Variants in SPTLC3 observed in about 807,000 individuals in gnomAD.
The protein encoded by SPTLC3 is serine palmitoyltransferase 3.
A neutral mutation model predicts 59.3 loss-of-function variants in SPTLC3; 36 were observed. That is an observed-to-expected ratio of 0.61 (90% CI 0.47 to 0.80). The LOEUF is 0.80. SPTLC3 is among the 30% of genes least tolerant of loss of function. SPTLC3 has a pLI of 0.00. For missense variants in SPTLC3, 625 were observed against 685.1 expected (o/e 0.91, Z 0.98); for synonymous variants, 257 against 240.8 (o/e 1.07, Z -0.62).
intron 6 of SPTLC3, among the ~76,000 whole-genome samples, chr20:13,102,391 T>G (rs1244154628): frequency 6.6e-6 from 1 of 152,202 alleles, no homozygotes; most frequent in East Asian, 1.9e-4. Flanking sequence ...ATCTCCTTTT[T>G]GACAGATGAA....
intron 7 of SPTLC3, among the ~76,000 whole-genome samples, chr20:13,116,994 C>T (rs1303703190): frequency 5.9e-5 from 9 of 152,146 alleles, no homozygotes. Context: ...TCAAAGACTT[C>T]CTATTTTACT....
chr20:13,061,972 C>T (rs1987994844), intron 2 of SPTLC3, among the ~76,000 whole-genome samples: 2 of 152,170 alleles, frequency 1.3e-5, no homozygotes, highest in South Asian at 4.1e-4. Flanking sequence ...TCTCTTATGT[C>T]TCTAACTTCA....
intron 8 of SPTLC3, among the ~76,000 whole-genome samples, chr20:13,125,976 T>C (rs2037979695): frequency 2.6e-5 from 4 of 152,228 alleles, no homozygotes; most frequent in Admixed American, 1.3e-4. Flanking sequence ...GCTTTCTTGC[T>C]TCTGTTCCTT....
intron 9 of SPTLC3, among the ~76,000 whole-genome samples, chr20:13,127,441 T>C (rs1187313369): frequency 6.6e-6 from 1 of 152,222 alleles, no homozygotes; most frequent in African/African-American, 2.4e-5. Flanking sequence ...GCCACTGGAC[T>C]GTACAATCTA....
At chr20:13,036,374 A>C (rs995368611) in intron 1 of SPTLC3, among the ~76,000 whole-genome samples, 5 of 151,724 alleles carry the variant, frequency 3.3e-5, no homozygotes, top group Non-Finnish European at 5.9e-5. Context: ...CCTCCTCCTC[A>C]GCCTACTTAG....
At chr20:13,155,991 G>A (rs1481084202) in intron 10 of SPTLC3, among the ~76,000 whole-genome samples, 2 of 152,134 alleles carry the variant, frequency 1.3e-5, no homozygotes, top group Non-Finnish European at 2.9e-5. Context: ...GTTAAGGAGG[G>A]TTGACAACAG....
chr20:13,146,413 C>A (rs910985375), intron 9 of SPTLC3, among the ~76,000 whole-genome samples: 1 of 152,034 alleles, frequency 6.6e-6, no homozygotes, highest in Non-Finnish European at 1.5e-5. Context: ...CACATGTACC[C>A]CGAAACCTAA....
intron 1 of SPTLC3, among the ~76,000 whole-genome samples, chr20:13,047,851 G>A (rs1047083984): frequency 2.0e-5 from 3 of 152,034 alleles, no homozygotes; most frequent in East Asian, 3.8e-4. Flanking sequence ...AAGAGTTAAC[G>A]TTTCTCAAAG....
At chr20:13,157,717 G>T (rs557968960) in intron 10 of SPTLC3, among the ~76,000 whole-genome samples, 1 of 152,112 alleles carries the variant, frequency 6.6e-6, no homozygotes, top group African/African-American at 2.4e-5. Flanking sequence ...AGTTACAAAA[G>T]GTAATATTAT....
At position 13,144,941 on chromosome 20, in the gene SPTLC3, A is replaced by AT. The variant is rs1388178887; in HGVS notation, c.1280-9055dup. 3.9e-5 allele frequency among the ~76,000 whole-genome samples: 6 copies of AT among 151,908 alleles called. No individual in the cohort carries two copies. In the South Asian group the frequency reaches 6.2e-4, roughly 16 times the overall value. ...AGGCACCCGCCACCACGCCCAGCTA[A>AT]TTTTTTTGTATTTTTAGTAGACACA... On this transcript the variant is annotated intron_variant, in intron 9 of 11. Coordinates refer to ENST00000399002, the MANE Select transcript of SPTLC3 (RefSeq NM_018327.4).
intron 2 of SPTLC3, among the ~76,000 whole-genome samples, chr20:13,071,729 G>C (rs980047217): frequency 2.6e-5 from 4 of 152,108 alleles, no homozygotes; most frequent in African/African-American, 9.7e-5. Flanking sequence ...GCAACTCAGC[G>C]TTCTTACCTC....
intron 9 of SPTLC3, among the ~76,000 whole-genome samples, chr20:13,151,577 C>T (rs942161024): frequency 6.6e-6 from 1 of 152,138 alleles, no homozygotes; most frequent in African/African-American, 2.4e-5. Flanking sequence ...CAAGCATGGA[C>T]AATTGGGGCA....
intron 9 of SPTLC3, among the ~76,000 whole-genome samples, chr20:13,145,717 T>G (rs915710965): frequency 6.6e-6 from 1 of 152,124 alleles, no homozygotes; most frequent in Non-Finnish European, 1.5e-5. Context: ...GCTGGAGGCA[T>G]CATGTTACCC....
intron 9 of SPTLC3, among the ~76,000 whole-genome samples, chr20:13,142,507 G>A (rs1458711836): frequency 6.6e-6 from 1 of 152,220 alleles, no homozygotes; most frequent in Non-Finnish European, 1.5e-5. Flanking sequence ...GATTAGGCAG[G>A]TGGATTTGTG....
At chr20:13,079,974 A>G (rs1473603836) in intron 4 of SPTLC3, 6 of 254,052 alleles carry the variant, frequency 2.4e-5, no homozygotes, top group Non-Finnish European at 4.9e-5. Context: ...ACCCCAGGGA[A>G]CCAGAGAAAA....
chr20:13,009,380 C>G lies in SPTLC3; in HGVS notation c.113C>G (p.Ala38Gly). The change falls in exon 1 of 12, where the codon GCC (alanine) becomes GGC (glycine). Residue 38 changes from alanine to glycine, a missense_variant. By Grantham distance (60) the Ala-to-Gly change is moderately conservative. Transcript: ENST00000399002. ...NCTKNGIVKE[A>G]QQNGKPHFYD... ...ACAAAGAATGGAATAGTGAAGGAAG[C>G]CCAGGTAAGAGGCACTCTCCCCTAC... The G allele has an allele frequency of 6.2e-7, 1 of 1,613,388 alleles. No homozygotes were observed. The highest frequency in any genetic ancestry group is 8.5e-7 in the Non-Finnish European group (1 of 1,179,440).
chr20:13,045,671 A>C, intron 1 of SPTLC3, among the ~76,000 whole-genome samples: 1 of 152,178 alleles, frequency 6.6e-6, no homozygotes, highest in East Asian at 1.9e-4. Context: ...TGAGAGGAAA[A>C]TAGATCCTGG....
chr20:13,066,756 T>C (rs1988226874), intron 2 of SPTLC3, among the ~76,000 whole-genome samples: 1 of 152,004 alleles, frequency 6.6e-6, no homozygotes, highest in Admixed American at 6.6e-5. Context: ...CTTCTTACAC[T>C]TTGCCTTCTT....
chr20:13,022,106 TAC>T (rs944553539), intron 1 of SPTLC3, among the ~76,000 whole-genome samples: 1 of 152,200 alleles, frequency 6.6e-6, no homozygotes, highest in African/African-American at 2.4e-5. Context: ...CTATTTCCCT[TAC>T]AGTCTTCCCC....
Sources: gnomAD v4.1 joint callset for allele counts (sites outside exome capture counted in the v4.1 genomes callset) on GRCh38, gnomAD v4.1.1 for gene constraint, MANE v1.5 for transcripts, NCBI Gene and HGNC (gene_info 2026-07-23, HGNC 2026-07-21) for gene names.